Variants in CYP20A1 observed in about 807,000 individuals in gnomAD.
CYP20A1 encodes the protein cytochrome P450 family 20 subfamily A member 1.
In CYP20A1, 61 loss-of-function variants were observed where a neutral mutation model predicts 61.4. The ratio of observed to expected loss-of-function variants is 0.99; its 90% CI spans 0.81 to 1.23. The LOEUF is 1.23. Among genes scored for constraint, CYP20A1 ranks in the 50% most tolerant of loss-of-function variants. The probability of loss-of-function intolerance (pLI) is 0.00; values close to 1 mark genes in which losing one functional copy is unlikely to be tolerated. For synonymous variants in CYP20A1, 193 were observed against 188.2 expected (o/e 1.03, Z -0.21); for missense variants, 530 against 542.4 (o/e 0.98, Z 0.23).
chr2:203,270,227 T>C (rs1475553333), intron 5 of CYP20A1, among the ~76,000 whole-genome samples: 1 of 152,148 alleles, frequency 6.6e-6, no homozygotes, highest in Non-Finnish European at 1.5e-5. Flanking sequence ...GCCATGGCGC[T>C]CCAGCCTTGG....
At chr2:203,282,469 A>G (rs1278792649) in intron 8 of CYP20A1, among the ~76,000 whole-genome samples, 1 of 152,160 alleles carries the variant, frequency 6.6e-6, no homozygotes, top group African/African-American at 2.4e-5. Flanking sequence ...CCCAGCTTAA[A>G]AAAAATTAGT....
chr2:203,271,746 A>AT (rs2067608400), intron 5 of CYP20A1, among the ~76,000 whole-genome samples: 1 of 152,220 alleles, frequency 6.6e-6, no homozygotes, highest in South Asian at 2.1e-4. Context: ...GTATAATACA[A>AT]AAATGAGGGC....
chr2:203,284,434 A>C (rs2068179253), intron 8 of CYP20A1, among the ~76,000 whole-genome samples: 1 of 151,666 alleles, frequency 6.6e-6, no homozygotes. Flanking sequence ...AAATATAACT[A>C]CTCTTTTTCC....
intron 9 of CYP20A1, 125 bp from the exon 10 acceptor site, chr2:203,289,640 A>G: frequency 2.3e-6 from 1 of 440,468 alleles, no homozygotes; most frequent in Non-Finnish European, 4.2e-6. Flanking sequence ...GCAGATAAGA[A>G]TTATGATGGG....
intron 9 of CYP20A1, 23 bp from the exon 10 acceptor site, chr2:203,289,742 C>T (rs977163908): frequency 8.9e-6 from 13 of 1,460,610 alleles, no homozygotes; most frequent in Non-Finnish European, 1.2e-5. Context: ...TAAACATCTT[C>T]AAAAAAAATT....
intron 6 of CYP20A1, among the ~76,000 whole-genome samples, chr2:203,273,706 G>A (rs768336148): frequency 1.3e-5 from 2 of 152,148 alleles, no homozygotes; most frequent in Non-Finnish European, 2.9e-5. Context: ...CACTTTGGGA[G>A]GCTGAGGTAG....
Position 203,289,859 on chromosome 2 carries a change from T to C in CYP20A1, c.1066T>C (p.Phe356Leu). 2.5e-6 allele frequency: 4 copies of C among 1,570,250 alleles called. No homozygotes were observed. The highest frequency in any genetic ancestry group is 1.2e-5 in the South Asian group (1 of 86,732). The stretch of plus-strand genomic sequence containing the variant: ...AGATATTGAAGGAAAAATTGACCGA[T>C]TTATTATTCCTAGAGAGGTAGAAAA... ...LQDIEGKIDR[F>L]IIPRETLVLY... is the part of the protein sequence containing the mutation. Residue 356 changes from phenylalanine to leucine, a missense_variant, in exon 10 of 13, where the codon TTT becomes CTT. Coordinates refer to ENST00000356079, the MANE Select transcript of CYP20A1 (RefSeq NM_177538.3).
At chr2:203,265,746 G>A (rs1394323119) in intron 4 of CYP20A1, among the ~76,000 whole-genome samples, 14 of 151,950 alleles carry the variant, frequency 9.2e-5, no homozygotes, top group South Asian at 4.1e-4. Context: ...GCTGGAGTGC[G>A]GTGGCATGAT....
chr2:203,243,485 G>T (rs1298069027), intron 1 of CYP20A1, among the ~76,000 whole-genome samples: 6 of 151,730 alleles, frequency 4.0e-5, no homozygotes, highest in Non-Finnish European at 1.5e-5. Flanking sequence ...CCGCCTCCCG[G>T]GCTCAAATCC....
At chr2:203,253,786 TTG>T (rs2066789537) in intron 4 of CYP20A1, among the ~76,000 whole-genome samples, 1 of 151,920 alleles carries the variant, frequency 6.6e-6, no homozygotes. Context: ...GTAAAAAAAT[TTG>T]TCTTTTTCTT....
intron 1 of CYP20A1, among the ~76,000 whole-genome samples, chr2:203,243,676 G>T (rs898804011): frequency 7.0e-6 from 1 of 143,136 alleles, no homozygotes; most frequent in Non-Finnish European, 1.5e-5. Flanking sequence ...GAGCCACTGC[G>T]CCTGGCCTCT....
chr2:203,276,214 T>A (rs1409912234), intron 6 of CYP20A1, among the ~76,000 whole-genome samples: 1 of 152,112 alleles, frequency 6.6e-6, no homozygotes, highest in Non-Finnish European at 1.5e-5. Context: ...ATGGCTGGAA[T>A]GAAGTGAGTG....
intron 5 of CYP20A1, among the ~76,000 whole-genome samples, chr2:203,266,927 G>A (rs894980879): frequency 2.0e-5 from 3 of 152,126 alleles, no homozygotes; most frequent in Non-Finnish European, 4.4e-5. Context: ...GTCACAGTGA[G>A]CCAAGATCAT....
intron 5 of CYP20A1, among the ~76,000 whole-genome samples, chr2:203,268,176 C>T (rs2067412529): frequency 6.6e-6 from 1 of 152,122 alleles, no homozygotes. Flanking sequence ...CAACATTTTG[C>T]CTGTTTTCCT....
At chr2:203,253,944 C>CTTTCTTTT (rs1200454319) in intron 4 of CYP20A1, among the ~76,000 whole-genome samples, 1 of 151,614 alleles carries the variant, frequency 6.6e-6, no homozygotes, top group African/African-American at 2.4e-5. Flanking sequence ...TTGTTCTTTT[C>CTTTCTTTT]TTTCTTTTTT....
chr2:203,292,389 C>G lies in CYP20A1; in HGVS notation c.1148+63C>G, dbSNP rs1575274291. On this transcript the variant is annotated intron_variant, in intron 11 of 12. Coordinates refer to ENST00000356079, the MANE Select transcript of CYP20A1 (RefSeq NM_177538.3). ...TTTTGTGTTTGCACGTTTTGCATTC[C>G]TTTCCTAACTGTTGAGTAGAAAACT... 20 of 1,182,608 alleles carry G rather than the reference C, an allele frequency of 1.7e-5. No homozygotes were observed. In the East Asian group the frequency reaches 4.4e-4, roughly 26 times the overall value. 73.3% of individuals were successfully genotyped at this position (1,182,608 alleles called of 1,614,324 possible).
chr2:203,267,955 T>C (rs1196813144), intron 5 of CYP20A1, among the ~76,000 whole-genome samples: 3 of 152,148 alleles, frequency 2.0e-5, no homozygotes, highest in African/African-American at 7.2e-5. Context: ...TCCTTTCTTA[T>C]AACCTCAAAA....
chr2:203,283,995 C>T (rs2068158192), intron 8 of CYP20A1, among the ~76,000 whole-genome samples: 2 of 152,142 alleles, frequency 1.3e-5, no homozygotes, highest in Non-Finnish European at 2.9e-5. Flanking sequence ...CAAGTTTTCA[C>T]ATCACTTGTA....
Position 203,303,874 on chromosome 2 carries a change from C to CAA in CYP20A1, c.*6985_*6986dup, listed in dbSNP as rs34951226. 1.2e-3 allele frequency among the ~76,000 whole-genome samples: 106 copies of CAA among 89,244 alleles called. 2 individuals are homozygous for CAA. The East Asian group carries it at 0.019, about 16-fold the overall frequency. 58.5% of individuals were successfully genotyped at this position (89,244 alleles called of 152,430 possible). On this transcript the variant is annotated 3_prime_UTR_variant, in exon 13 of 13. Transcript: ENST00000356079. ...CTTAGGCAATAAAACAAGACTGTCT[C>CAA]AAAAAAAAAAAAAAAAAAAACTTAT...
Sources: allele counts gnomAD v4.1 joint callset (sites outside exome capture counted in the v4.1 genomes callset), GRCh38; gene constraint gnomAD v4.1.1; transcripts MANE v1.5; gene names NCBI Gene and HGNC (gene_info 2026-07-23, HGNC 2026-07-21).